CASK: variants seen among roughly 807,000 people sequenced by gnomAD.
The protein encoded by CASK is peripheral plasma membrane protein CASK.
Under a neutral mutation model 82.9 loss-of-function variants are expected in CASK, and 4 were observed. The observed-to-expected ratio is 0.05, with a 90% confidence interval of 0.02 to 0.11. The LOEUF (loss-of-function observed/expected upper bound fraction) is 0.11. Ranked by LOEUF, CASK falls within the 10% of genes least tolerant of loss-of-function variation. The pLI, the probability that CASK is intolerant of heterozygous loss-of-function variation, is 1.00. For synonymous variants in CASK, 259 were observed against 253.5 expected, an observed-to-expected ratio of 1.02 and a Z score of -0.20; for missense variants, 358 against 720.9, an observed-to-expected ratio of 0.50 and a Z score of 5.76.
intron 5 of CASK, among the ~76,000 whole-genome samples, chrX:41,709,460 T>C (rs2067937396): frequency 9.0e-6 from 1 of 111,663 alleles, no homozygotes; most frequent in Non-Finnish European, 1.9e-5. Context: ...CTAGATTCTA[T>C]TGAGTATTAT....
At chrX:41,611,934 C>T (rs1399655149) in intron 11 of CASK, among the ~76,000 whole-genome samples, 7 of 111,859 alleles carry the variant, frequency 6.3e-5, no homozygotes, top group Admixed American at 1.9e-4. Flanking sequence ...CTCCTAACCG[C>T]GAGTGATCCG....
At chrX:41,524,093 T>C in intron 25 of CASK, 59 bp from the exon 26 acceptor site, 1 of 843,697 alleles carries the variant, frequency 1.2e-6, no homozygotes, top group Non-Finnish European at 1.7e-6. Context: ...TAATGTAACT[T>C]TCAAATGAGT....
At chrX:41,840,664 A>C (rs2071018052) in intron 2 of CASK, among the ~76,000 whole-genome samples, 1 of 112,242 alleles carries the variant, frequency 8.9e-6, no homozygotes, top group South Asian at 3.7e-4. Flanking sequence ...TCCCAATTTT[A>C]GGGGAAAAAC....
chrX:41,656,223 C>A (rs778807004), intron 8 of CASK, among the ~76,000 whole-genome samples: 1 of 111,912 alleles, frequency 8.9e-6, no homozygotes, highest in African/African-American at 3.2e-5. Flanking sequence ...CCAATAAGAA[C>A]TGTTCTGTCT....
intron 3 of CASK, among the ~76,000 whole-genome samples, chrX:41,756,677 T>C (rs1271113984): frequency 8.9e-6 from 1 of 112,489 alleles, no homozygotes. Flanking sequence ...AAGTCCCTTA[T>C]ATGCATTAAC....
At chrX:41,533,269 A>G (rs548921992) in intron 24 of CASK, among the ~76,000 whole-genome samples, 2 of 112,688 alleles carry the variant, frequency 1.8e-5, no homozygotes, top group African/African-American at 3.2e-5. Flanking sequence ...TGGCCATTTA[A>G]TAACATGGAA....
chrX:41,559,496 G>GT (rs1313120435), intron 18 of CASK: 2 of 321,813 alleles, frequency 6.2e-6, no homozygotes, highest in Non-Finnish European at 1.1e-5. Context: ...CAGACACTCC[G>GT]TTTTTTCCTT....
chrX:41,723,715 C>T (rs2068206144), intron 5 of CASK, among the ~76,000 whole-genome samples: 1 of 111,806 alleles, frequency 8.9e-6, no homozygotes, highest in African/African-American at 3.3e-5. Context: ...GGTCTCAGTC[C>T]ACAGATGATC....
chrX:41,534,879 ACAAT>A lies in CASK; in HGVS notation c.2236+10_2236+13del. ...AAGTGAGAATAAGCAACTCACTTAC[ACAAT>A]CAAACTTACCTAATAAGACTAGTGT... On this transcript the variant is annotated intron_variant, in intron 23 of 26. Coordinates refer to ENST00000378163, the MANE Select transcript of CASK (RefSeq NM_001367721.1). 8.6e-7 allele frequency: 1 copy of A among 1,168,170 alleles called. No individual in the cohort carries two copies.
chrX:41,592,098 C>T (rs1217154282), intron 12 of CASK, among the ~76,000 whole-genome samples: 2 of 108,042 alleles, frequency 1.9e-5, no homozygotes, highest in Non-Finnish European at 3.8e-5. Flanking sequence ...AAAAGAAATA[C>T]AAAAATTAGC....
intron 14 of CASK, chrX:41,584,332 G>A (rs2065624726): frequency 8.9e-6 from 1 of 112,192 alleles, no homozygotes; most frequent in Admixed American, 9.4e-5. Context: ...AGTTCATAAA[G>A]TTACGGTGGC....
At position 41,842,563 on chromosome X, in the gene CASK, C is replaced by T. The variant is rs753286558; in HGVS notation, c.172+10552G>A. ...CTGGGTGACAAGAGTGAAACTCTGT[C>T]TCCAGGAAAAAAAAAAAAAAAATTC... On this transcript the variant is annotated intron_variant, in intron 2 of 26. Coordinates refer to ENST00000378163, the MANE Select transcript of CASK (RefSeq NM_001367721.1). Among the ~76,000 whole-genome samples, 6 of 101,526 alleles carry T rather than the reference C, an allele frequency of 5.9e-5. No individual in the cohort carries two copies. In the South Asian group the frequency reaches 1.4e-3, roughly 23 times the overall value. 88.2% of individuals were successfully genotyped at this position (101,526 alleles called of 115,157 possible). A position where few individuals can be genotyped will look rare whatever the true frequency, so the allele number is the denominator to read the frequency against.
At chrX:41,562,142 T>C (rs1268203024) in intron 16 of CASK, 2 of 113,476 alleles carry the variant, frequency 1.8e-5, no homozygotes, top group Admixed American at 1.9e-4. Flanking sequence ...CATGACAGTG[T>C]TGGCTGCTAT....
rs185396827 is a variant in CASK, at chrX:41,573,184, C to T, written c.1504-3438G>A. 5.5e-3 allele frequency among the ~76,000 whole-genome samples: 556 copies of T among 101,456 alleles called. 5 individuals are homozygous for T. The highest frequency in any genetic ancestry group is 0.019 in the African/African-American group (534 of 27,670). 88.1% of individuals were successfully genotyped at this position (101,456 alleles called of 115,157 possible). A position where few individuals can be genotyped will look rare whatever the true frequency, so the allele number is the denominator to read the frequency against. ...CTCCACCTACCAGGGTCAAGCAATT[C>T]TCCTACCTCTGTCTCCCAATTTCTT... On this transcript the variant is annotated intron_variant, in intron 15 of 26. Transcript: ENST00000378163.
intron 1 of CASK, among the ~76,000 whole-genome samples, chrX:41,874,647 C>T (rs956308871): frequency 1.8e-5 from 2 of 112,342 alleles, no homozygotes; most frequent in Admixed American, 9.4e-5. Flanking sequence ...ATCCAAAGTA[C>T]TATATATCTC....
chrX:41,583,727 G>A (rs936915966), intron 14 of CASK, among the ~76,000 whole-genome samples: 2 of 109,237 alleles, frequency 1.8e-5, no homozygotes, highest in Non-Finnish European at 3.8e-5. Context: ...GATTATAAGC[G>A]TGAGCCACAG....
At chrX:41,865,980 C>T (rs1291331404) in intron 1 of CASK, among the ~76,000 whole-genome samples, 1 of 112,377 alleles carries the variant, frequency 8.9e-6, no homozygotes, top group Non-Finnish European at 1.9e-5. Context: ...GGCTTCGCTG[C>T]GGCTGCAGCT....
chrX:41,531,687 C>T (rs756704447), intron 24 of CASK, among the ~76,000 whole-genome samples: 12 of 112,508 alleles, frequency 1.1e-4, no homozygotes, highest in Middle Eastern at 4.6e-3. Context: ...TCAATAACCA[C>T]GTATGGTTAG....
intron 2 of CASK, among the ~76,000 whole-genome samples, chrX:41,815,728 A>C (rs1031074821): frequency 2.7e-5 from 3 of 112,024 alleles, no homozygotes; most frequent in Non-Finnish European, 3.8e-5. Flanking sequence ...AATAAAGCCC[A>C]AAAAATTTTC....
Sources: gnomAD v4.1 joint callset for allele counts (sites outside exome capture counted in the v4.1 genomes callset) on GRCh38, gnomAD v4.1.1 for gene constraint, MANE v1.5 for transcripts, NCBI Gene and HGNC (gene_info 2026-07-23, HGNC 2026-07-21) for gene names.